The following PRXL2C variants were observed in gnomAD, a reference collection of about 807,000 sequenced individuals.
PRXL2C encodes peroxiredoxin-like 2C.
Under a neutral mutation model 24.9 loss-of-function variants are expected in PRXL2C, and 38 were observed. The observed-to-expected ratio is 1.53, with a 90% CI of 1.18 to 2.00. The LOEUF is 2.00. PRXL2C is among the 30% of genes most tolerant of loss of function. PRXL2C has a pLI of 0.00. For missense variants in PRXL2C, 294 were observed against 290.9 expected (o/e 1.01, Z -0.08); for synonymous variants, 98 against 117.2 (o/e 0.84, Z 1.06).
At chr9:96,645,138 TG>T (rs550022728) in intron 5 of PRXL2C, among the ~76,000 whole-genome samples, 82 of 151,572 alleles carry the variant, frequency 5.4e-4, no homozygotes, top group African/African-American at 2.0e-3. Flanking sequence ...CTTGATCTCC[TG>T]ACCTCGTGAT....
intron 4 of PRXL2C, among the ~76,000 whole-genome samples, chr9:96,649,612 G>T (rs1243322590): frequency 6.6e-6 from 1 of 151,348 alleles, no homozygotes; most frequent in Non-Finnish European, 1.5e-5. Context: ...AAAGGGATCA[G>T]CAACTCTGCC....
chr9:96,643,738 G>A (rs1314075984), intron 5 of PRXL2C, among the ~76,000 whole-genome samples: 2 of 152,162 alleles, frequency 1.3e-5, no homozygotes, highest in Non-Finnish European at 2.9e-5. Flanking sequence ...TAACGAATCT[G>A]TTATAAATTC....
chr9:96,651,705 T>C lies in PRXL2C; in HGVS notation c.269A>G (p.Asn90Ser). The change falls in exon 3 of 6, where the codon AAT becomes AGT. Residue 90 changes from asparagine to serine, a missense_variant. Asn to Ser is a conservative substitution (Grantham distance 46). Transcript: ENST00000375234. ...KIPRSFLQEANVTLIVIGQSS... is the reference protein window; with the variant it reads ...KIPRSFLQEASVTLIVIGQSS... Reference sequence around the variant, plus strand: ...CTGTCCAATCACTATAAGGGTGACATTTGCTTCCTTAGGAGAAAAAAAAGG... The same window carrying C: ...CTGTCCAATCACTATAAGGGTGACACTTGCTTCCTTAGGAGAAAAAAAAGG... 2.5e-6 allele frequency: 4 copies of C among 1,609,242 alleles called. No individual in the cohort carries two copies. The highest frequency in any genetic ancestry group is 1.7e-6 in the Non-Finnish European group (2 of 1,177,344).
chr9:96,652,393 T>C (rs1270648668), intron 2 of PRXL2C, among the ~76,000 whole-genome samples: 1 of 151,996 alleles, frequency 6.6e-6, no homozygotes, highest in African/African-American at 2.4e-5. Flanking sequence ...TGGTGGCATG[T>C]GCCTGTAATC....
chr9:96,645,877 G>A lies in PRXL2C; in HGVS notation c.553+16C>T. The stretch of plus-strand genomic sequence containing the variant: ...GCACAAGACGTCTACTGCTGAACCT[G>A]GGCTTTGATGCTTACCTGGACCTAA... On this transcript the variant is annotated intron_variant, in intron 5 of 5. Transcript: ENST00000375234. The A allele has an allele frequency of 2.5e-6, 4 of 1,592,868 alleles. No homozygotes were observed. The highest frequency in any genetic ancestry group is 3.4e-6 in the Non-Finnish European group (4 of 1,173,076).
intron 1 of PRXL2C, 77 bp from the exon 2 acceptor site, chr9:96,654,850 G>A (rs558042366): frequency 1.4e-6 from 2 of 1,422,626 alleles, no homozygotes; most frequent in East Asian, 2.7e-5. Context: ...GTACTTCGCC[G>A]TGCGTGACGC....
rs1848099166 is a variant in PRXL2C at position 96,640,442 on chromosome 9, A to AG, written c.*1316dup. 1 of 142,178 alleles carries AG rather than the reference A, an allele frequency of 7.0e-6. No individual in the cohort carries two copies. Among genetic ancestry groups the AG allele is most frequent in the Non-Finnish European group, 1.5e-5 (1 of 66,492 alleles). The allele number at this position is 142,178 out of a possible 1,614,324, so 8.8% of individuals were successfully genotyped here. A position where few individuals can be genotyped will look rare whatever the true frequency, so the allele number is the denominator to read the frequency against. On this transcript the variant is annotated 3_prime_UTR_variant, in exon 6 of 6. Transcript: ENST00000375234. ...GGCTGAGGCAGAATTGCTTGAACCA[A>AG]GGAGGCGGAAGTTGCAGTGAGCTGA... is the stretch of plus-strand genomic sequence containing the variant.
At chr9:96,648,209 CTCT>C (rs1848221640) in intron 4 of PRXL2C, among the ~76,000 whole-genome samples, 1 of 152,166 alleles carries the variant, frequency 6.6e-6, no homozygotes, top group Admixed American at 6.5e-5. Context: ...AGCCCAAACT[CTCT>C]TCTTATGTCC....
chr9:96,649,796 A>G (rs1427806613), intron 4 of PRXL2C, among the ~76,000 whole-genome samples: 1 of 151,966 alleles, frequency 6.6e-6, no homozygotes, highest in Non-Finnish European at 1.5e-5. Context: ...TCTCTGCTTC[A>G]AACACTTGTA....
At chr9:96,644,973 C>G (rs1330038392) in intron 5 of PRXL2C, among the ~76,000 whole-genome samples, 2 of 126,136 alleles carry the variant, frequency 1.6e-5, no homozygotes, top group Admixed American at 1.1e-4. Context: ...GTGGTGCGAT[C>G]TCGGCGCACT....
chr9:96,644,881 C>CTTTTTGTTTTTTTT (rs1848170573), intron 5 of PRXL2C, among the ~76,000 whole-genome samples: 1 of 36,672 alleles, frequency 2.7e-5, no homozygotes, highest in Non-Finnish European at 6.5e-5. Context: ...TACATGGATT[C>CTTTTTGTTTTTTTT]TTTTTTTTTT....
rs1350230010 is a variant in PRXL2C, at chr9:96,641,139, G to A, written c.*620C>T. On this transcript the variant is annotated 3_prime_UTR_variant, in exon 6 of 6. Transcript: ENST00000375234. ...ATGTGGCATAAAATTGTCCTATAAT[G>A]TTTAAAGACCTTTTCCTGGCCCTAC... is the stretch of plus-strand genomic sequence containing the variant. 6.6e-6 allele frequency: 1 copy of A among 152,118 alleles called. No individual in the cohort carries two copies. The highest frequency in any genetic ancestry group is 1.9e-4 in the East Asian group (1 of 5,180). The allele number at this position is 152,118 out of a possible 1,614,324, so 9.4% of individuals were successfully genotyped here. A position where few individuals can be genotyped will look rare whatever the true frequency, so the allele number is the denominator to read the frequency against.
At chr9:96,645,031 C>G (rs1216998840) in intron 5 of PRXL2C, among the ~76,000 whole-genome samples, 1 of 150,886 alleles carries the variant, frequency 6.6e-6, no homozygotes, top group East Asian at 2.0e-4. Flanking sequence ...CTCAGCCTCC[C>G]GAGTAGCTGG....
At chr9:96,644,773 C>T (rs1233585974) in intron 5 of PRXL2C, among the ~76,000 whole-genome samples, 1 of 151,824 alleles carries the variant, frequency 6.6e-6, no homozygotes. Context: ...AGCCACCATG[C>T]CCGGCCTCAA....
Position 96,655,207 on chromosome 9 carries a change from GTCGGGGCCGC to G in PRXL2C, c.65_74del (p.Ser22ThrfsTer51), listed in dbSNP as rs1199328133. 1 of 1,177,266 alleles carries G rather than the reference GTCGGGGCCGC, an allele frequency of 8.5e-7. No homozygotes were observed. Among genetic ancestry groups the G allele is most frequent in the South Asian group, 4.1e-5 (1 of 24,248 alleles). 72.9% of individuals were successfully genotyped at this position (1,177,266 alleles called of 1,614,324 possible). A position where few individuals can be genotyped will look rare whatever the true frequency, so the allele number is the denominator to read the frequency against. The stretch of plus-strand genomic sequence containing the variant: ...CGGCGGCCGCCAGGGGCTGCCCGCT[GTCGGGGCCGC>G]TCGGGGCCGGGACCAGGGCGGCGGC... On this transcript the variant is annotated frameshift_variant, in exon 1 of 6. Coordinates refer to ENST00000375234, the MANE Select transcript of PRXL2C (RefSeq NM_153698.2). LOFTEE classifies it high-confidence loss of function.
intron 5 of PRXL2C, among the ~76,000 whole-genome samples, chr9:96,642,455 T>C (rs191756984): frequency 9.4e-4 from 143 of 152,264 alleles, no homozygotes; most frequent in Non-Finnish European, 7.6e-4. Flanking sequence ...TTTATAATCA[T>C]AAATTTACAA....
chr9:96,643,705 T>C (rs1024570217), intron 5 of PRXL2C, among the ~76,000 whole-genome samples: 19 of 152,342 alleles, frequency 1.2e-4, no homozygotes, highest in African/African-American at 4.6e-4. Flanking sequence ...GGATTCATTC[T>C]CATTCATCAG....
Position 96,654,778 on chromosome 9 carries a change from A to C in PRXL2C, c.193-5T>G. Reference sequence around the variant, plus strand: ...GCAGATGTAACACAGGAAATGCTGAAAGCCAAAACGGCAGAAAGGGCAAGT... The same window carrying C: ...GCAGATGTAACACAGGAAATGCTGACAGCCAAAACGGCAGAAAGGGCAAGT... On this transcript the variant is annotated splice_polypyrimidine_tract_variant and splice_region_variant and intron_variant, in intron 1 of 5. Transcript: ENST00000375234. 1.3e-6 allele frequency: 2 copies of C among 1,559,156 alleles called. No individual in the cohort carries two copies. Among genetic ancestry groups the C allele is most frequent in the Non-Finnish European group, 1.7e-6 (2 of 1,150,504 alleles).
In PRXL2C at chr9:96,655,139, G is replaced by A. The variant is rs1848336650; in HGVS notation, c.143C>T (p.Pro48Leu). ...GCGCTCCCGGAACAGCGCGCCGAAC[G>A]GTACCCGCTGCCCGCGGGCGTCCAG... The part of the protein sequence containing the change: ...PVLDARGQRV[P>L]FGALFRERRA... The change falls in exon 1 of 6, where the codon CCG becomes CTG. Residue 48 changes from proline (P) to leucine (L), a missense_variant. Transcript: ENST00000375234. 7.4e-7 allele frequency: 1 copy of A among 1,345,932 alleles called. No homozygotes were observed. Among genetic ancestry groups the A allele is most frequent in the East Asian group, 3.2e-5 (1 of 31,204 alleles). 83.4% of individuals were successfully genotyped at this position (1,345,932 alleles called of 1,614,324 possible).
Sources: gnomAD v4.1 joint callset for allele counts (sites outside exome capture counted in the v4.1 genomes callset) on GRCh38, gnomAD v4.1.1 for gene constraint, MANE v1.5 for transcripts, NCBI Gene and HGNC (gene_info 2026-07-23, HGNC 2026-07-21) for gene names.